OSBPL8: variants seen among roughly 807,000 people sequenced by gnomAD.
OSBPL8 encodes oxysterol-binding protein-related protein 8.
In OSBPL8, 59 loss-of-function variants were observed where a neutral mutation model predicts 125.5. The ratio of observed to expected loss-of-function variants is 0.47; its 90% CI spans 0.38 to 0.58. The LOEUF is 0.58. OSBPL8 is among the 20% of genes least tolerant of loss of function. OSBPL8 has a pLI of 0.00. For missense variants in OSBPL8, 758 were observed against 1,047.8 expected (o/e 0.72, Z 3.82); for synonymous variants, 330 against 338.9 (o/e 0.97, Z 0.29).
intron 1 of OSBPL8, among the ~76,000 whole-genome samples, chr12:76,495,891 GTTCT>G (rs1415902671): frequency 6.6e-6 from 1 of 152,070 alleles, no homozygotes; most frequent in Non-Finnish European, 1.5e-5. Context: ...TCTAGTCTCT[GTTCT>G]TTCTTGCTAA....
chr12:76,473,212 GAATA>G (rs1160026143), intron 2 of OSBPL8, among the ~76,000 whole-genome samples: 1 of 151,948 alleles, frequency 6.6e-6, no homozygotes, highest in Non-Finnish European at 1.5e-5. Context: ...TATAATATTG[GAATA>G]AAGAGTAATT....
intron 19 of OSBPL8, 192 bp downstream of exon 19, chr12:76,371,256 C>T (rs1952607993): frequency 3.9e-6 from 2 of 509,208 alleles, no homozygotes; most frequent in Non-Finnish European, 6.1e-6. Context: ...TTTTGAGCTA[C>T]AGAAAAGCAA....
intron 4 of OSBPL8, among the ~76,000 whole-genome samples, chr12:76,429,229 T>C (rs1332044545): frequency 7.5e-6 from 1 of 133,948 alleles, no homozygotes; most frequent in African/African-American, 2.7e-5. Flanking sequence ...CATATATTCA[T>C]TGCAAGAAGT....
intron 1 of OSBPL8, among the ~76,000 whole-genome samples, chr12:76,559,014 C>G (rs752927999): frequency 1.4e-4 from 22 of 152,190 alleles, no homozygotes; most frequent in Admixed American, 2.6e-4. Flanking sequence ...GAAGGAGCCT[C>G]GCCTTAACCG....
chr12:76,357,855 GTTTT>G (rs888289631), intron 22 of OSBPL8, among the ~76,000 whole-genome samples: 1 of 142,704 alleles, frequency 7.0e-6, no homozygotes, highest in Non-Finnish European at 1.5e-5. Context: ...ATGGCTTAAA[GTTTT>G]TTTTTTTTTG....
At chr12:76,402,820 G>T in intron 5 of OSBPL8, 54 bp from the exon 6 acceptor site, 1 of 1,133,016 alleles carries the variant, frequency 8.8e-7, no homozygotes, top group Non-Finnish European at 1.3e-6. Flanking sequence ...TCTACACGTC[G>T]CATAAAAATT....
chr12:76,459,739 T>G, intron 3 of OSBPL8, 120 bp downstream of exon 3: 11 of 1,178,896 alleles, frequency 9.3e-6, no homozygotes, highest in Non-Finnish European at 1.2e-5. Context: ...TTTCAATTCC[T>G]GGAAAGAAAA....
chr12:76,431,247 T>C (rs764412670), intron 4 of OSBPL8, among the ~76,000 whole-genome samples: 6 of 136,436 alleles, frequency 4.4e-5, no homozygotes, highest in Admixed American at 2.9e-4. Flanking sequence ...AAATGCACAA[T>C]AGATTAAAAA....
intron 1 of OSBPL8, among the ~76,000 whole-genome samples, chr12:76,518,843 T>A (rs977082837): frequency 2.0e-5 from 3 of 152,208 alleles, no homozygotes; most frequent in African/African-American, 7.2e-5. Context: ...AGCAGGACAG[T>A]GGCACCCTGG....
At chr12:76,407,976 T>C (rs1006704952) in intron 5 of OSBPL8, among the ~76,000 whole-genome samples, 3 of 151,946 alleles carry the variant, frequency 2.0e-5, no homozygotes, top group Non-Finnish European at 4.4e-5. Context: ...AGTATTGTTA[T>C]GAACGTTAAA....
At chr12:76,445,605 G>C (rs1465470641) in intron 4 of OSBPL8, among the ~76,000 whole-genome samples, 1 of 152,156 alleles carries the variant, frequency 6.6e-6, no homozygotes, top group Admixed American at 6.5e-5. Context: ...GATGGCCAAT[G>C]AGCATATGAG....
chr12:76,479,984 C>T (rs556536618), intron 2 of OSBPL8, among the ~76,000 whole-genome samples: 55 of 151,762 alleles, frequency 3.6e-4, no homozygotes, highest in African/African-American at 1.2e-3. Flanking sequence ...ATAACCAACA[C>T]GGAGAAACTC....
intron 1 of OSBPL8, among the ~76,000 whole-genome samples, chr12:76,523,303 T>C (rs887273412): frequency 3.9e-5 from 6 of 152,196 alleles, no homozygotes; most frequent in Admixed American, 3.3e-4. Flanking sequence ...TTTCCACATT[T>C]CTAAAGTATT....
chr12:76,417,404 GGTTA>G (rs1868825677), intron 4 of OSBPL8, among the ~76,000 whole-genome samples: 1 of 152,020 alleles, frequency 6.6e-6, no homozygotes, highest in East Asian at 1.9e-4. Flanking sequence ...GAGAATTTGT[GGTTA>G]GTATCTTTGA....
intron 1 of OSBPL8, among the ~76,000 whole-genome samples, chr12:76,496,962 A>T (rs561356895): frequency 6.6e-6 from 1 of 151,926 alleles, no homozygotes; most frequent in East Asian, 1.9e-4. Context: ...TACAGACATG[A>T]GCCACCACGC....
At chr12:76,407,630 G>A (rs1397041956) in intron 5 of OSBPL8, among the ~76,000 whole-genome samples, 2 of 152,192 alleles carry the variant, frequency 1.3e-5, no homozygotes, top group Non-Finnish European at 2.9e-5. Flanking sequence ...TCTAAATTAT[G>A]AGAAAATCAG....
At chr12:76,445,640 G>A (rs1872651789) in intron 4 of OSBPL8, among the ~76,000 whole-genome samples, 1 of 152,078 alleles carries the variant, frequency 6.6e-6, no homozygotes, top group African/African-American at 2.4e-5. Context: ...TCAGTAATGA[G>A]GGAAATGTAA....
At chr12:76,516,665 A>G (rs1881563378) in intron 1 of OSBPL8, among the ~76,000 whole-genome samples, 1 of 152,258 alleles carries the variant, frequency 6.6e-6, no homozygotes, top group African/African-American at 2.4e-5. Context: ...TTTGAAAAGA[A>G]TACAATTAAT....
intron 3 of OSBPL8, 142 bp from the exon 4 acceptor site, chr12:76,451,130 T>A: frequency 1.1e-6 from 1 of 900,584 alleles, no homozygotes. Context: ...TAATAAATTC[T>A]CACAGTCATC....
Sources: gnomAD v4.1 joint callset for allele counts (sites outside exome capture counted in the v4.1 genomes callset) on GRCh38, gnomAD v4.1.1 for gene constraint, MANE v1.5 for transcripts, NCBI Gene and HGNC (gene_info 2026-07-23, HGNC 2026-07-21) for gene names.